NUP62: variants seen among roughly 807,000 people sequenced by gnomAD.
The protein encoded by NUP62 is nuclear pore glycoprotein p62.
For synonymous variants in NUP62, 305 were observed against 303.4 expected (o/e 1.01, Z -0.05); for missense variants, 647 against 689.4 (o/e 0.94, Z 0.69).
intron 2 of NUP62, among the ~76,000 whole-genome samples, chr19:49,916,395 C>T (rs1358180561): frequency 1.3e-5 from 2 of 149,164 alleles, no homozygotes; most frequent in East Asian, 4.0e-4. Flanking sequence ...GCTCTGTCGC[C>T]CAGGCTGGAG....
intron 1 of NUP62, chr19:49,928,917 G>A (rs540655839): frequency 3.9e-5 from 6 of 152,670 alleles, no homozygotes; most frequent in East Asian, 1.9e-4. Flanking sequence ...GAGGCAGAAA[G>A]AGAAAGAAAC....
rs756113021 is a variant in NUP62, at chr19:49,908,871, G to A, written c.937C>T (p.Pro313Ser). Residue 313 changes from proline to serine, a missense_variant, in exon 3 of 3, where the codon CCA becomes TCA. Transcript: ENST00000352066. ...PSNTAAAVTA[P>S]PGPGAAAGAA... ...CCTGCAGCTGCGCCAGGGCCAGGTG[G>A]AGCGGTCACGGCAGCTGCTGTATTG... 8 of 1,611,132 alleles carry A rather than the reference G, an allele frequency of 5.0e-6. No individual in the cohort carries two copies. The highest frequency in any genetic ancestry group is 6.8e-6 in the Non-Finnish European group (8 of 1,179,788).
Position 49,907,471 on chromosome 19 carries a change from A to T in NUP62, c.*768T>A, listed in dbSNP as rs1334792593. Reference sequence around the variant, plus strand: ...ACTGTGCTGCTTTGCCTTGGTGGTTAGCATGGTTAGCTTTCACAAGCACAA... The same window carrying T: ...ACTGTGCTGCTTTGCCTTGGTGGTTTGCATGGTTAGCTTTCACAAGCACAA... On this transcript the variant is annotated 3_prime_UTR_variant, in exon 3 of 3. Coordinates refer to ENST00000352066, the MANE Select transcript of NUP62 (RefSeq NM_016553.5). The T allele has an allele frequency of 6.9e-6, 3 of 437,282 alleles. No individual in the cohort carries two copies. The highest frequency in any genetic ancestry group is 1.3e-5 in the Non-Finnish European group (3 of 222,462). 27.1% of individuals were successfully genotyped at this position (437,282 alleles called of 1,614,324 possible). A position where few individuals can be genotyped will look rare whatever the true frequency, so the allele number is the denominator to read the frequency against.
In NUP62 at chr19:49,908,967, TGGTGGC is replaced by T. The variant is rs762665664; in HGVS notation, c.835_840del (p.Ala279_Thr280del). On this transcript the variant is annotated inframe_deletion, in exon 3 of 3. Transcript: ENST00000352066. The stretch of plus-strand genomic sequence containing the variant: ...CCGGTGGTGCTGCTGCTGCTGGTGG[TGGTGGC>T]GGTGGCGGTGGCAGCGGTGGATGTT... The T allele has an allele frequency of 2.2e-5, 35 of 1,607,484 alleles. No individual in the cohort carries two copies. Among genetic ancestry groups the T allele is most frequent in the African/African-American group, 9.4e-5 (7 of 74,434 alleles).
rs1028296820 is a variant in NUP62 at position 49,921,630 on chromosome 19, C to T, written c.-78+6064G>A. Among the ~76,000 whole-genome samples, 2 of 152,214 alleles carry T rather than the reference C, an allele frequency of 1.3e-5. No individual in the cohort carries two copies. Among genetic ancestry groups the T allele is most frequent in the Non-Finnish European group, 2.9e-5 (2 of 68,040 alleles). ...TGCATCAAACTGGGCTAAGGCCTGG[C>T]GCTCTGATGGCCGCTGACCTCAAAA... On this transcript the variant is annotated intron_variant, in intron 2 of 2. Coordinates refer to ENST00000352066, the MANE Select transcript of NUP62 (RefSeq NM_016553.5). The surrounding 1 kb of genome is among the most constrained non-coding windows in gnomAD (Gnocchi z 5.4).
chr19:49,908,908 G>A lies in NUP62; in HGVS notation c.900C>T (p.Ala300=), dbSNP rs776860035. ...CAGCTGCTGTATTGCTGGGGATCCC[G>A]GCTGGCGCCAGTGGTTTTAAATTCA... ...FALNLKPLAP[A]GIPSNTAAAV... The change falls in exon 3 of 3, where the codon GCC becomes GCT. Residue 300 remains alanine, a synonymous_variant. Transcript: ENST00000352066. 2.6e-5 allele frequency: 42 copies of A among 1,607,786 alleles called. No individual in the cohort carries two copies. The highest frequency in any genetic ancestry group is 5.0e-5 in the Admixed American group (3 of 59,840).
intron 2 of NUP62, among the ~76,000 whole-genome samples, chr19:49,912,577 G>A (rs984424823): frequency 2.0e-5 from 3 of 152,082 alleles, no homozygotes; most frequent in African/African-American, 7.2e-5. Context: ...ACGCAGTTTA[G>A]ATATGGCCAG....
intron 1 of NUP62, chr19:49,929,058 G>A (rs1176610856): frequency 1.3e-5 from 2 of 152,274 alleles, no homozygotes; most frequent in East Asian, 1.9e-4. Flanking sequence ...GGAGTGGGAA[G>A]GAAAGGCTCG....
At chr19:49,923,490 A>G (rs1052569256) in intron 2 of NUP62, among the ~76,000 whole-genome samples, 7 of 152,194 alleles carry the variant, frequency 4.6e-5, no homozygotes, top group Non-Finnish European at 1.0e-4. Context: ...GTAGGCAGAC[A>G]TCTGCACACG....
intron 2 of NUP62, among the ~76,000 whole-genome samples, chr19:49,914,747 T>G (rs1028110020): frequency 2.3e-5 from 3 of 128,578 alleles, no homozygotes; most frequent in African/African-American, 9.6e-5. Flanking sequence ...TTTTTTTTTT[T>G]TTTTTTTTTT....
intron 2 of NUP62, among the ~76,000 whole-genome samples, chr19:49,914,456 A>T (rs1301894346): frequency 6.6e-6 from 1 of 152,186 alleles, no homozygotes; most frequent in African/African-American, 2.4e-5. Context: ...TGAGGTCACC[A>T]AGGAAAGTGC....
chr19:49,918,078 CT>C (rs559266842), intron 2 of NUP62, among the ~76,000 whole-genome samples: 210 of 132,372 alleles, frequency 1.6e-3, no homozygotes, highest in East Asian at 1.2e-3. Context: ...TTTCCTTTTT[CT>C]TTTTTTTTTT....
intron 2 of NUP62, among the ~76,000 whole-genome samples, chr19:49,924,692 T>C (rs569241386): frequency 6.6e-6 from 1 of 152,212 alleles, no homozygotes; most frequent in South Asian, 2.1e-4. Context: ...TTCGAAGATC[T>C]GGGGAGAAGG....
chr19:49,924,714 C>G (rs1328897314), intron 2 of NUP62, among the ~76,000 whole-genome samples: 1 of 152,170 alleles, frequency 6.6e-6, no homozygotes, highest in Non-Finnish European at 1.5e-5. Context: ...TCGCAGGCAA[C>G]CACTGATGAC....
intron 2 of NUP62, chr19:49,912,882 G>A (rs4802637): frequency 0.077 from 11,737 of 152,242 alleles, 1,001 homozygotes; most frequent in East Asian, 0.19. Flanking sequence ...AAAGAAAGGA[G>A]ACCTACCATT....
At chr19:49,913,174 G>A (rs1271095092) in intron 2 of NUP62, 2 of 152,444 alleles carry the variant, frequency 1.3e-5, no homozygotes, top group African/African-American at 4.8e-5. Context: ...GTGAAGACAG[G>A]GAGGCCCACA....
At position 49,909,257 on chromosome 19, in the gene NUP62, G is replaced by A; in HGVS notation, c.551C>T (p.Ala184Val). 6.2e-7 allele frequency: 1 copy of A among 1,614,118 alleles called. No homozygotes were observed. Among genetic ancestry groups the A allele is most frequent in the South Asian group, 1.1e-5 (1 of 91,082 alleles). Residue 184 changes from alanine (A) to valine (V), a missense_variant, in exon 3 of 3, where the codon GCA becomes GTA. Coordinates refer to ENST00000352066, the MANE Select transcript of NUP62 (RefSeq NM_016553.5). ...GSAGNSAQPT[A>V]PATLPFTPAT... is the part of the protein sequence containing the mutation. Reference sequence around the variant, plus strand: ...CGGAGTGAAGGGCAACGTGGCAGGTGCCGTGGGCTGGGCTGAATTCCCTGC... The same window carrying A: ...CGGAGTGAAGGGCAACGTGGCAGGTACCGTGGGCTGGGCTGAATTCCCTGC...
chr19:49,909,012 C>T lies in NUP62; in HGVS notation c.796G>A (p.Gly266Ser), dbSNP rs200690516. Residue 266 changes from glycine to serine, a missense_variant, in exon 3 of 3, where the codon GGC (glycine) becomes AGC (serine). Gly to Ser is a moderately conservative substitution (Grantham distance 56). Coordinates refer to ENST00000352066, the MANE Select transcript of NUP62 (RefSeq NM_016553.5). ...GCGGTGGATGTTGTTGTGGAGGTGC[C>T]GGAAGCTGCTCCAGGTGCCTTTAAG... ...FSLKAPGAASGTSTTTSTAAT... is the reference protein window; with the variant it reads ...FSLKAPGAASSTSTTTSTAAT... 4.0e-5 allele frequency: 65 copies of T among 1,612,456 alleles called. No homozygotes were observed. The highest frequency in any genetic ancestry group is 1.9e-4 in the African/African-American group (14 of 74,970).
intron 2 of NUP62, among the ~76,000 whole-genome samples, chr19:49,925,350 G>A (rs543959690): frequency 1.3e-5 from 2 of 151,944 alleles, no homozygotes; most frequent in African/African-American, 4.8e-5. Flanking sequence ...CACTTTGGGA[G>A]GGTGAGGCAG....
Sources: allele counts gnomAD v4.1 joint callset (sites outside exome capture counted in the v4.1 genomes callset), GRCh38; gene constraint gnomAD v4.1.1; non-coding constraint Gnocchi (gnomAD v3.1); transcripts MANE v1.5; gene names NCBI Gene and HGNC (gene_info 2026-07-23, HGNC 2026-07-21).